The following PBK variants were observed in gnomAD, a reference collection of about 807,000 sequenced individuals.
The protein encoded by PBK is lymphokine-activated killer T-cell-originated protein kinase.
PBK carries 22 observed loss-of-function variants against 33.5 expected under a neutral mutation model. That is an observed-to-expected ratio of 0.66 (90% CI 0.47 to 0.94). The LOEUF (loss-of-function observed/expected upper bound fraction) is 0.94. Ranked by LOEUF, PBK falls within the 40% of genes least tolerant of loss-of-function variation. The pLI is 0.00. For missense variants in PBK, 376 were observed against 383.4 expected, an observed-to-expected ratio of 0.98 and a Z score of 0.16; for synonymous variants, 129 against 123.8, an observed-to-expected ratio of 1.04 and a Z score of -0.28.
intron 5 of PBK, 55 bp from the exon 6 acceptor site, chr8:27,820,749 A>G: frequency 2.1e-6 from 2 of 971,758 alleles, no homozygotes; most frequent in Non-Finnish European, 3.1e-6. Context: ...TAATAAAAAA[A>G]TGTGATAACC....
chr8:27,811,466 G>C (rs925430689), intron 6 of PBK: 3 of 434,820 alleles, frequency 6.9e-6, no homozygotes, highest in Non-Finnish European at 8.5e-6. Flanking sequence ...TGCAAGCTGC[G>C]TGACCTTGAG....
chr8:27,828,329 C>A (rs1806066564), intron 2 of PBK, 131 bp from the exon 3 acceptor site: 1 of 450,948 alleles, frequency 2.2e-6, no homozygotes, highest in South Asian at 4.6e-5. Flanking sequence ...CAACATATAT[C>A]CTAATTTTAA....
In PBK at chr8:27,830,315, G is replaced by GGA. The variant is rs1806105360; in HGVS notation, c.59-2118_59-2117insTC. Among the ~76,000 whole-genome samples the GGA allele has an allele frequency of 1.5e-4, 23 of 149,302 alleles. No homozygotes were observed. The South Asian group carries it at 4.2e-3, about 28-fold the overall frequency. ...TACAAAGGAAAATCTGAGCATAACG[G>GGA]AAAAAAAAAGACAAAATAGAAGCTT... is the stretch of plus-strand genomic sequence containing the variant. On this transcript the variant is annotated intron_variant, in intron 2 of 7. Transcript: ENST00000301905.
intron 6 of PBK, 76 bp from the exon 7 acceptor site, chr8:27,811,210 G>C: frequency 1.7e-6 from 2 of 1,208,794 alleles, no homozygotes; most frequent in Non-Finnish European, 2.4e-6. Flanking sequence ...GGAAACAGGC[G>C]AACGATTTGA....
chr8:27,823,950 A>G (rs1216660729), intron 3 of PBK, among the ~76,000 whole-genome samples: 1 of 152,124 alleles, frequency 6.6e-6, no homozygotes, highest in Non-Finnish European at 1.5e-5. Context: ...CTAGTGAAAG[A>G]GCCTCAGAAG....
At chr8:27,829,175 G>A (rs1250732625) in intron 2 of PBK, among the ~76,000 whole-genome samples, 1 of 152,164 alleles carries the variant, frequency 6.6e-6, no homozygotes, top group Non-Finnish European at 1.5e-5. Flanking sequence ...GTACTTATCC[G>A]CACATAACAA....
At chr8:27,816,343 C>CTATATATATA (rs767822258) in intron 6 of PBK, among the ~76,000 whole-genome samples, 1 of 136,386 alleles carries the variant, frequency 7.3e-6, no homozygotes, top group African/African-American at 2.9e-5. Flanking sequence ...TCATCGAATA[C>CTATATATATA]TATATATATA....
intron 6 of PBK, among the ~76,000 whole-genome samples, chr8:27,818,163 G>A (rs1413478239): frequency 1.3e-5 from 2 of 152,216 alleles, no homozygotes; most frequent in Non-Finnish European, 2.9e-5. Context: ...CATGCAGCTT[G>A]AGTAATAAGC....
intron 6 of PBK, chr8:27,812,683 AAAG>A (rs1805715911): frequency 6.6e-6 from 1 of 151,608 alleles, no homozygotes; most frequent in South Asian, 2.1e-4. Context: ...CAACTTCTCA[AAAG>A]AAGACATTTA....
chr8:27,812,575 A>G, intron 6 of PBK: 1 of 151,918 alleles, frequency 6.6e-6, no homozygotes, highest in East Asian at 1.9e-4. Context: ...GACCTATCTG[A>G]CAAAGGGCTA....
intron 1 of PBK, among the ~76,000 whole-genome samples, chr8:27,834,913 G>C (rs1806200347): frequency 6.6e-6 from 1 of 151,346 alleles, no homozygotes; most frequent in Non-Finnish European, 1.5e-5. Flanking sequence ...AAAAAGAACG[G>C]AAGAAAAGAA....
intron 6 of PBK, among the ~76,000 whole-genome samples, chr8:27,817,268 G>A (rs1805835726): frequency 6.6e-6 from 1 of 151,854 alleles, no homozygotes; most frequent in Non-Finnish European, 1.5e-5. Context: ...GTAACCTTCA[G>A]CATAAACCCA....
chr8:27,820,602 A>C lies in PBK; in HGVS notation c.558T>G (p.Asp186Glu), dbSNP rs1429151947. The change falls in exon 6 of 8, where the codon GAT (aspartate) becomes GAG (glutamate). Residue 186 changes from aspartate (D) to glutamate (E), a missense_variant. Asp to Glu is a conservative substitution (Grantham distance 45). Transcript: ENST00000301905. ...KGDFETIKIC[D>E]VGVSLPLDEN... ...CATCCAGTGGTAGAGAGACTCCTAC[A>C]TCACAGATTTTAATTGTTTCAAAAT... is the stretch of plus-strand genomic sequence containing the variant. 1 of 1,578,154 alleles carries C rather than the reference A, an allele frequency of 6.3e-7. No individual in the cohort carries two copies. The highest frequency in any genetic ancestry group is 8.7e-7 in the Non-Finnish European group (1 of 1,149,846).
chr8:27,816,355 A>T lies in PBK; in HGVS notation c.595+4210T>A, dbSNP rs561876262. Among the ~76,000 whole-genome samples, 238 of 140,950 alleles carry T rather than the reference A, an allele frequency of 1.7e-3. 10 individuals carry two copies. The highest frequency in any genetic ancestry group is 4.4e-3 in the African/African-American group (164 of 36,970). 92.5% of individuals were successfully genotyped at this position (140,950 alleles called of 152,430 possible). ...TTTTCATCGAATACTATATATATAT[A>T]TATTTATTTATTTATTTATTTATTT... is the stretch of plus-strand genomic sequence containing the variant. On this transcript the variant is annotated intron_variant, in intron 6 of 7. Coordinates refer to ENST00000301905, the MANE Select transcript of PBK (RefSeq NM_018492.4).
At chr8:27,834,018 T>G (rs1806181231) in intron 1 of PBK, among the ~76,000 whole-genome samples, 1 of 149,268 alleles carries the variant, frequency 6.7e-6, no homozygotes, top group Non-Finnish European at 1.5e-5. Flanking sequence ...AGGCTACATA[T>G]ATGATGATCC....
chr8:27,831,418 C>T (rs61407865), intron 2 of PBK, among the ~76,000 whole-genome samples: 2,672 of 151,838 alleles, frequency 0.018, 61 homozygotes, highest in African/African-American at 0.054. Context: ...CTTCAAAATA[C>T]ATGAAGCAAC....
intron 2 of PBK, among the ~76,000 whole-genome samples, chr8:27,830,164 T>C (rs973061751): frequency 2.1e-5 from 3 of 144,396 alleles, no homozygotes; most frequent in Non-Finnish European, 3.0e-5. Context: ...GATCGCACCA[T>C]TGCACTCCGG....
rs189049329 is a variant in PBK, at chr8:27,832,806, T to G, written c.58+250A>C. Among the ~76,000 whole-genome samples the G allele has an allele frequency of 6.8e-4, 103 of 152,310 alleles. No homozygotes were observed. In the Middle Eastern group the frequency reaches 0.01, roughly 15 times the overall value. ...GGAGAAAGGTAAAGCAGTTCCTTAATGGGTCAAGCTAAGTTGATTCTTGGG... is the reference window on the plus strand; with the variant it reads ...GGAGAAAGGTAAAGCAGTTCCTTAAGGGGTCAAGCTAAGTTGATTCTTGGG... On this transcript the variant is annotated intron_variant, in intron 2 of 7. Transcript: ENST00000301905.
intron 2 of PBK, among the ~76,000 whole-genome samples, chr8:27,831,123 A>C (rs4593489): frequency 0.16 from 23,943 of 152,076 alleles, 2,395 homozygotes; most frequent in East Asian, 0.37. Context: ...GAGGCCAAGG[A>C]GAGTGGATCA....
Sources: gnomAD v4.1 joint callset for allele counts (sites outside exome capture counted in the v4.1 genomes callset) on GRCh38, gnomAD v4.1.1 for gene constraint, MANE v1.5 for transcripts, NCBI Gene and HGNC (gene_info 2026-07-23, HGNC 2026-07-21) for gene names.